The following MACO1 variants were observed in gnomAD, a reference collection of about 807,000 sequenced individuals.
MACO1 encodes the protein macoilin 1, also known as macoilin.
A neutral mutation model predicts 78.7 loss-of-function variants in MACO1; 14 were observed. The ratio of observed to expected loss-of-function variants is 0.18; its 90% CI spans 0.12 to 0.28. The LOEUF is 0.28. Ranked by LOEUF, MACO1 falls within the 10% of genes least tolerant of loss-of-function variation. The pLI is 1.00. For synonymous variants in MACO1, 288 were observed against 291.6 expected, an observed-to-expected ratio of 0.99 and a Z score of 0.12; for missense variants, 501 against 799.0, an observed-to-expected ratio of 0.63 and a Z score of 4.50.
rs1302113341 is a variant in MACO1, at chr1:25,489,060, A to T, written c.1497-113A>T. ...GGTCTCGAACCCCTGACCTCAAATA[A>T]TCTGCCTGCCTCGGCCTCCCAAAGT... On this transcript the variant is annotated intron_variant, in intron 8 of 10. Coordinates refer to ENST00000374343, the MANE Select transcript of MACO1 (RefSeq NM_018202.6). 3.7e-6 allele frequency: 5 copies of T among 1,334,438 alleles called. No individual in the cohort carries two copies. The East Asian group carries it at 1.3e-4, about 35-fold the overall frequency. The allele number at this position is 1,334,438 out of a possible 1,614,324, so 82.7% of individuals were successfully genotyped here.
At chr1:25,441,501 G>T (rs2042972612) in intron 1 of MACO1, among the ~76,000 whole-genome samples, 2 of 152,110 alleles carry the variant, frequency 1.3e-5, no homozygotes, top group Middle Eastern at 3.4e-3. Context: ...AATATTTTTT[G>T]AGAAAAAAAA....
At chr1:25,476,898 T>A (rs993845826) in intron 6 of MACO1, among the ~76,000 whole-genome samples, 12 of 152,220 alleles carry the variant, frequency 7.9e-5, no homozygotes, top group African/African-American at 2.4e-4. Flanking sequence ...TCTTATGTCG[T>A]AACACTGACC....
intron 1 of MACO1, among the ~76,000 whole-genome samples, chr1:25,436,343 T>C (rs2042919157): frequency 6.6e-6 from 1 of 152,214 alleles, no homozygotes; most frequent in Non-Finnish European, 1.5e-5. Flanking sequence ...GTTTCTAGGC[T>C]ACCATCTTGT....
At chr1:25,441,762 G>A (rs923645379) in intron 1 of MACO1, among the ~76,000 whole-genome samples, 2 of 152,312 alleles carry the variant, frequency 1.3e-5, no homozygotes, top group East Asian at 1.9e-4. Flanking sequence ...GCTGTGTGCC[G>A]AAGGATGAGT....
At chr1:25,457,419 C>T (rs2043131398) in intron 5 of MACO1, among the ~76,000 whole-genome samples, 2 of 151,820 alleles carry the variant, frequency 1.3e-5, no homozygotes, top group Admixed American at 6.6e-5. Flanking sequence ...GCCTGTTTTA[C>T]GTATTTTAAA....
At chr1:25,486,937 G>A (rs192068868) in intron 8 of MACO1, among the ~76,000 whole-genome samples, 3 of 152,266 alleles carry the variant, frequency 2.0e-5, no homozygotes, top group Admixed American at 2.0e-4. Flanking sequence ...CAGTCATCTA[G>A]TGATGACTGC....
chr1:25,497,865 T>A (rs1220698570), intron 10 of MACO1, among the ~76,000 whole-genome samples: 1 of 152,224 alleles, frequency 6.6e-6, no homozygotes, highest in Non-Finnish European at 1.5e-5. Context: ...CTGACTGCCA[T>A]GTTCAAAACG....
intron 6 of MACO1, among the ~76,000 whole-genome samples, chr1:25,478,039 A>T (rs1189916357): frequency 6.6e-6 from 1 of 152,196 alleles, no homozygotes; most frequent in Non-Finnish European, 1.5e-5. Flanking sequence ...TGAGTTCAGG[A>T]GTTCAAGACC....
Position 25,438,459 on chromosome 1 carries a change from G to A in MACO1, c.80+7281G>A, listed in dbSNP as rs116314625. 5.3e-3 allele frequency among the ~76,000 whole-genome samples: 807 copies of A among 152,228 alleles called. 6 individuals carry two copies. Among genetic ancestry groups the A allele is most frequent in the African/African-American group, 0.018 (746 of 41,524 alleles). Reference sequence around the variant, plus strand: ...GCAGAGTAGGTATTGCCATTTTATAGGAAACAAACCTGAGGAATAGAGAAC... The same window carrying A: ...GCAGAGTAGGTATTGCCATTTTATAAGAAACAAACCTGAGGAATAGAGAAC... On this transcript the variant is annotated intron_variant, in intron 1 of 10. Coordinates refer to ENST00000374343, the MANE Select transcript of MACO1 (RefSeq NM_018202.6).
chr1:25,492,317 G>A (rs1236582425), intron 10 of MACO1, among the ~76,000 whole-genome samples: 1 of 152,150 alleles, frequency 6.6e-6, no homozygotes, highest in Non-Finnish European at 1.5e-5. Flanking sequence ...GGTGGCAGTT[G>A]GTGCAATGAT....
At chr1:25,490,821 A>G (rs766584331) in intron 9 of MACO1, among the ~76,000 whole-genome samples, 21 of 152,194 alleles carry the variant, frequency 1.4e-4, no homozygotes, top group Admixed American at 6.5e-5. Context: ...AGATACACAT[A>G]TGCATAAAAG....
chr1:25,468,108 T>A (rs1189366910), intron 6 of MACO1, among the ~76,000 whole-genome samples: 1 of 152,184 alleles, frequency 6.6e-6, no homozygotes, highest in Non-Finnish European at 1.5e-5. Context: ...TTCAGATTTT[T>A]TTTTTCTACT....
chr1:25,486,247 C>T (rs536518732), intron 8 of MACO1, among the ~76,000 whole-genome samples: 3 of 152,196 alleles, frequency 2.0e-5, no homozygotes, highest in East Asian at 3.9e-4. Flanking sequence ...GCACTGTGTA[C>T]TGGCTGCTCA....
chr1:25,492,170 G>C (rs1163483087), intron 10 of MACO1, among the ~76,000 whole-genome samples: 1 of 152,180 alleles, frequency 6.6e-6, no homozygotes, highest in Admixed American at 6.5e-5. Context: ...CTGCAGGTGA[G>C]AGTCTGGAGA....
At chr1:25,436,592 T>A (rs1169634051) in intron 1 of MACO1, among the ~76,000 whole-genome samples, 2 of 152,214 alleles carry the variant, frequency 1.3e-5, no homozygotes, top group Non-Finnish European at 2.9e-5. Flanking sequence ...CAACAGTAGA[T>A]ACACATATCC....
rs1486297388 is a variant in MACO1, at chr1:25,458,551, T to C, written c.813T>C (p.Asn271=). The C allele has an allele frequency of 3.1e-6, 5 of 1,613,494 alleles. No individual in the cohort carries two copies. The highest frequency in any genetic ancestry group is 4.2e-6 in the Non-Finnish European group (5 of 1,179,850). Residue 271 remains asparagine, a synonymous_variant, in exon 6 of 11, where the codon AAT becomes AAC. Coordinates refer to ENST00000374343, the MANE Select transcript of MACO1 (RefSeq NM_018202.6). The part of the protein sequence containing the change: ...KDAKKHNLGI[N]NNNILQPVDS... Reference sequence around the variant, plus strand: ...CCAAAAAACACAACCTTGGAATAAATAACAACAATATTCTACAACCTGTAG... The same window carrying C: ...CCAAAAAACACAACCTTGGAATAAACAACAACAATATTCTACAACCTGTAG...
At chr1:25,487,663 C>T (rs2043445939) in intron 8 of MACO1, among the ~76,000 whole-genome samples, 1 of 152,208 alleles carries the variant, frequency 6.6e-6, no homozygotes, top group Non-Finnish European at 1.5e-5. Context: ...TTTCTGTTTA[C>T]TCCAGTCTTG....
intron 10 of MACO1, among the ~76,000 whole-genome samples, chr1:25,492,885 A>G (rs1177318879): frequency 6.6e-6 from 1 of 152,184 alleles, no homozygotes; most frequent in Non-Finnish European, 1.5e-5. Flanking sequence ...GAAAGAGAAG[A>G]ATATTTCAAG....
At chr1:25,494,237 T>G (rs1202585247) in intron 10 of MACO1, among the ~76,000 whole-genome samples, 1 of 152,020 alleles carries the variant, frequency 6.6e-6, no homozygotes, top group African/African-American at 2.4e-5. Flanking sequence ...AGCAAAAAAG[T>G]AGAGGCATGA....
Sources: gnomAD v4.1 joint callset for allele counts (sites outside exome capture counted in the v4.1 genomes callset) on GRCh38, gnomAD v4.1.1 for gene constraint, MANE v1.5 for transcripts, NCBI Gene and HGNC (gene_info 2026-07-23, HGNC 2026-07-21) for gene names.